The following TRPV4 variants were observed in gnomAD, a reference collection of about 807,000 sequenced individuals.
The protein encoded by TRPV4 is transient receptor potential cation channel subfamily V member 4.
A neutral mutation model predicts 84.1 loss-of-function variants in TRPV4; 58 were observed. That is an observed-to-expected ratio of 0.69 (90% CI 0.56 to 0.86). The LOEUF (loss-of-function observed/expected upper bound fraction) is 0.86, where lower values mean the gene tolerates loss of function less well. TRPV4 is among the 40% of genes least tolerant of loss of function. The probability of loss-of-function intolerance (pLI) is 0.00; values close to 1 mark genes in which losing one functional copy is unlikely to be tolerated. For synonymous variants in TRPV4, 489 were observed against 500.9 expected (o/e 0.98, Z 0.32); for missense variants, 879 against 1,181.1 (o/e 0.74, Z 3.75).
chr12:109,828,666 G>T (rs1286205915), intron 1 of TRPV4, among the ~76,000 whole-genome samples: 1 of 152,154 alleles, frequency 6.6e-6, no homozygotes, highest in African/African-American at 2.4e-5. Context: ...CGCCAAGGTG[G>T]GTGAGCCTAG....
rs1473089471 is a variant in TRPV4 at position 109,800,741 on chromosome 12, T to A, written c.730A>T (p.Ile244Phe). Reference sequence around the variant, plus strand: ...TGTTTGCAGCGACGCTCAATGGCGATGTGCAGGGCTGTCTGACCTGGGGGC... The same window carrying A: ...TGTTTGCAGCGACGCTCAATGGCGAAGTGCAGGGCTGTCTGACCTGGGGGC... ...IYYRGQTALHIAIERRCKHYV... is the reference protein window; with the variant it reads ...IYYRGQTALHFAIERRCKHYV... The change falls in exon 5 of 16, where the codon ATC (isoleucine) becomes TTC (phenylalanine). Residue 244 changes from isoleucine (I) to phenylalanine (F), a missense_variant. This residue lies in a region of TRPV4 where 521 missense variants were observed against 686.6 expected (regional missense o/e 0.76). Transcript: ENST00000261740. 2.5e-6 allele frequency: 4 copies of A among 1,611,562 alleles called. No homozygotes were observed. Among genetic ancestry groups the A allele is most frequent in the Non-Finnish European group, 3.4e-6 (4 of 1,179,104 alleles).
In TRPV4 at chr12:109,788,284, G is replaced by C. The variant is rs549284921; in HGVS notation, c.2208+116C>G. On this transcript the variant is annotated intron_variant, in intron 13 of 15. Transcript: ENST00000261740. ...CATTTTACCGACAGAGAAGTGGAGGGAGAATGAGAAGACACTGCTTGCTCA... is the reference window on the plus strand; with the variant it reads ...CATTTTACCGACAGAGAAGTGGAGGCAGAATGAGAAGACACTGCTTGCTCA... 17 of 988,322 alleles carry C rather than the reference G, an allele frequency of 1.7e-5. No homozygotes were observed. The African/African-American group carries it at 2.6e-4, about 15-fold the overall frequency. The allele number at this position is 988,322 out of a possible 1,614,324, so 61.2% of individuals were successfully genotyped here. A position where few individuals can be genotyped will look rare whatever the true frequency, so the allele number is the denominator to read the frequency against.
intron 2 of TRPV4, among the ~76,000 whole-genome samples, chr12:109,810,284 A>G (rs10850800): frequency 0.25 from 38,315 of 152,174 alleles, 5,733 homozygotes; most frequent in East Asian, 0.69. Flanking sequence ...ACTCTGTTCA[A>G]TGAATAAGAG....
At chr12:109,803,318 C>T (rs1405063886) in intron 3 of TRPV4, among the ~76,000 whole-genome samples, 175 bp from the exon 4 acceptor site, 1 of 152,192 alleles carries the variant, frequency 6.6e-6, no homozygotes, top group Non-Finnish European at 1.5e-5. Context: ...TATCTTTCTG[C>T]CTCCAGTGGT....
intron 10 of TRPV4, 42 bp from the exon 11 acceptor site, chr12:109,792,859 G>A: frequency 1.2e-6 from 2 of 1,607,810 alleles, no homozygotes; most frequent in East Asian, 2.2e-5. Flanking sequence ...AGAGGGGAGA[G>A]GGGACAATGA....
At chr12:109,792,472 T>C (rs773035517) in intron 11 of TRPV4, 43 bp from the exon 12 acceptor site, 16 of 1,599,724 alleles carry the variant, frequency 1.0e-5, no homozygotes, top group South Asian at 6.6e-5. Flanking sequence ...AGGAGACACA[T>C]GGTTTCTCAC....
intron 1 of TRPV4, among the ~76,000 whole-genome samples, chr12:109,831,416 C>G (rs1312590115): frequency 1.3e-5 from 2 of 152,244 alleles, no homozygotes; most frequent in Admixed American, 6.5e-5. Flanking sequence ...TCCATGCACA[C>G]CTTGCTAGAT....
At chr12:109,823,422 G>C (rs576181042) in intron 1 of TRPV4, among the ~76,000 whole-genome samples, 1 of 152,212 alleles carries the variant, frequency 6.6e-6, no homozygotes, top group Non-Finnish European at 1.5e-5. Flanking sequence ...GAGGGAGGCC[G>C]GCTGACAGCA....
chr12:109,784,996 C>A (rs1024795064), intron 14 of TRPV4, among the ~76,000 whole-genome samples: 4 of 151,822 alleles, frequency 2.6e-5, no homozygotes, highest in African/African-American at 7.3e-5. Flanking sequence ...TTCCAAAATT[C>A]TTCCATTCCC....
At chr12:109,799,975 C>G (rs1890671722) in intron 5 of TRPV4, among the ~76,000 whole-genome samples, 1 of 151,954 alleles carries the variant, frequency 6.6e-6, no homozygotes, top group Non-Finnish European at 1.5e-5. Flanking sequence ...CAGAGTCTCA[C>G]TCTGTCACCC....
intron 1 of TRPV4, among the ~76,000 whole-genome samples, chr12:109,823,941 TTGTG>T (rs113643368): frequency 3.3e-5 from 5 of 149,420 alleles, no homozygotes; most frequent in African/African-American, 4.9e-5. Flanking sequence ...TTTTTCTTTC[TTGTG>T]TGTGTGTGTG....
rs373195035 is a variant in TRPV4 at position 109,784,453 on chromosome 12, C to T, written c.2337-16G>A. The T allele has an allele frequency of 1.7e-4, 275 of 1,614,106 alleles. 2 individuals are homozygous for T. In the South Asian group the frequency reaches 2.9e-3, roughly 17 times the overall value. ...CTCATCCACCCTGGCAGGGCCCAAG[C>T]AGAGGGTCATGGGGAACCCCTCAGA... On this transcript the variant is annotated splice_polypyrimidine_tract_variant and intron_variant, in intron 14 of 15. Coordinates refer to ENST00000261740, the MANE Select transcript of TRPV4 (RefSeq NM_021625.5).
In TRPV4 at chr12:109,792,646, C is replaced by T; in HGVS notation, c.1824+6G>A. The T allele has an allele frequency of 6.2e-7, 1 of 1,614,144 alleles. No homozygotes were observed. The highest frequency in any genetic ancestry group is 8.5e-7 in the Non-Finnish European group (1 of 1,180,028). On this transcript the variant is annotated splice_donor_region_variant and intron_variant, in intron 11 of 15. Coordinates refer to ENST00000261740, the MANE Select transcript of TRPV4 (RefSeq NM_021625.5). The stretch of plus-strand genomic sequence containing the variant: ...CACGAGTCCAGAGGGTCCTCCCAGC[C>T]CGTACCTTCTGGATCATGATGCTAT...
chr12:109,807,289 A>AG (rs1420409120), intron 3 of TRPV4, among the ~76,000 whole-genome samples: 1 of 151,988 alleles, frequency 6.6e-6, no homozygotes, highest in Non-Finnish European at 1.5e-5. Context: ...AAAAAAAAAA[A>AG]AAAGCCTCTT....
intron 11 of TRPV4, 111 bp from the exon 12 acceptor site, chr12:109,792,540 T>C: frequency 6.3e-7 from 1 of 1,574,990 alleles, no homozygotes; most frequent in Non-Finnish European, 8.7e-7. Context: ...CCATGCCTCC[T>C]GCCCCCACGG....
chr12:109,800,792 C>A (rs377700162), intron 4 of TRPV4, 34 bp from the exon 5 acceptor site: 116 of 1,536,154 alleles, frequency 7.6e-5, no homozygotes, highest in Non-Finnish European at 6.8e-5. Context: ...AGGGTCCTGG[C>A]GGAGCAGAGA....
Position 109,796,586 on chromosome 12 carries a change from A to T in TRPV4, c.1271T>A (p.Leu424Gln). The part of the protein sequence containing the change: ...VYSSLYDLSS[L>Q]DTCGEEASVL... ...GGAGGCCTCTTCCCCACACGTGTCC[A>T]GGGAGGAGAGGTCATAAAGCGAGGA... The change falls in exon 7 of 16, where the codon CTG becomes CAG. Residue 424 changes from leucine (L) to glutamine (Q), a missense_variant. By Grantham distance (113) the Leu-to-Gln change is moderately radical. Around this residue, in one of 4 missense-constraint regions of TRPV4, gnomAD observed 521 missense variants for 686.6 expected, o/e 0.76. Transcript: ENST00000261740. The surrounding 1 kb of genome is among the most constrained non-coding windows in gnomAD (Gnocchi z 4.2). 1 of 1,614,142 alleles carries T rather than the reference A, an allele frequency of 6.2e-7. No individual in the cohort carries two copies. The highest frequency in any genetic ancestry group is 8.5e-7 in the Non-Finnish European group (1 of 1,180,014).
Position 109,815,825 on chromosome 12 carries a change from C to T in TRPV4, c.-31-998G>A, listed in dbSNP as rs980087508. Among the ~76,000 whole-genome samples the T allele has an allele frequency of 6.6e-6, 1 of 152,240 alleles. No homozygotes were observed. Among genetic ancestry groups the T allele is most frequent in the African/African-American group, 2.4e-5 (1 of 41,462 alleles). ...TCCCATTTCTCAGATGAGGAAGCAG[C>T]TTTCAAAGGCAGCAAACAGCTTGCA... On this transcript the variant is annotated intron_variant, in intron 1 of 15. Transcript: ENST00000261740. This position sits in a 1 kb window ranked among gnomAD's most constrained non-coding sequence, Gnocchi z 4.1.
Position 109,827,242 on chromosome 12 carries a change from C to A in TRPV4, c.-32+6108G>T, listed in dbSNP as rs574152283. Reference sequence around the variant, plus strand: ...TCTCATGAGGACAACTATCGTGAGCCCATTTTATAGATGAAGAAATTGAGG... The same window carrying A: ...TCTCATGAGGACAACTATCGTGAGCACATTTTATAGATGAAGAAATTGAGG... On this transcript the variant is annotated intron_variant, in intron 1 of 15. Coordinates refer to ENST00000261740, the MANE Select transcript of TRPV4 (RefSeq NM_021625.5). Among the ~76,000 whole-genome samples, 3 of 152,212 alleles carry A rather than the reference C, an allele frequency of 2.0e-5. No homozygotes were observed. In the East Asian group the frequency reaches 5.8e-4, roughly 29 times the overall value.
Sources: allele counts gnomAD v4.1 joint callset (sites outside exome capture counted in the v4.1 genomes callset), GRCh38; gene constraint gnomAD v4.1.1; regional missense constraint gnomAD v4.1.1; non-coding constraint Gnocchi (gnomAD v3.1); transcripts MANE v1.5; gene names NCBI Gene and HGNC (gene_info 2026-07-23, HGNC 2026-07-21).